SEC22C: variants seen among roughly 807,000 people sequenced by gnomAD.
The protein encoded by SEC22C is SEC22 homolog C, vesicle trafficking protein.
Under a neutral mutation model 34.7 loss-of-function variants are expected in SEC22C, and 29 were observed. The ratio of observed to expected loss-of-function variants is 0.84; its 90% CI spans 0.62 to 1.14. SEC22C has a LOEUF of 1.14. SEC22C is among the 50% of genes most tolerant of loss of function. The pLI is 0.00. For synonymous variants in SEC22C, 117 were observed against 132.8 expected, an observed-to-expected ratio of 0.88 and a Z score of 0.82; for missense variants, 337 against 369.0, an observed-to-expected ratio of 0.91 and a Z score of 0.71.
Position 42,548,993 on chromosome 3 carries a change from G to C in SEC22C, c.*4255C>G. 9.4e-7 allele frequency: 1 copy of C among 1,060,146 alleles called. No homozygotes were observed. Among genetic ancestry groups the C allele is most frequent in the African/African-American group, 1.6e-5 (1 of 61,554 alleles). 65.7% of individuals were successfully genotyped at this position (1,060,146 alleles called of 1,614,324 possible). On this transcript the variant is annotated 3_prime_UTR_variant, in exon 7 of 7. Transcript: ENST00000264454. ...GATGTTATCACCATTTACCAGATGA[G>C]GAAACTGAGGCCTGATGGGCAGTGA...
chr3:42,590,906 G>T (rs1704801178), intron 1 of SEC22C: 1 of 1,613,360 alleles, frequency 6.2e-7, no homozygotes. Context: ...GGATGTCGGT[G>T]GCCTTCGTAC....
intron 2 of SEC22C, chr3:42,564,152 C>T (rs1487247895): frequency 6.2e-6 from 2 of 322,594 alleles, no homozygotes; most frequent in Admixed American, 9.1e-5. Flanking sequence ...TGTGTCTATG[C>T]AAATAAGACT....
chr3:42,549,147 C>T lies in SEC22C; in HGVS notation c.*4101G>A, dbSNP rs1328724137. ...CTCTTTCTCCACCATTATTAACACTCACAGGGCACAGGTAGAGCGTCCCCA... is the reference window on the plus strand; with the variant it reads ...CTCTTTCTCCACCATTATTAACACTTACAGGGCACAGGTAGAGCGTCCCCA... On this transcript the variant is annotated 3_prime_UTR_variant, in exon 7 of 7. Transcript: ENST00000264454. 1 of 992,100 alleles carries T rather than the reference C, an allele frequency of 1.0e-6. No individual in the cohort carries two copies. The highest frequency in any genetic ancestry group is 1.1e-4 in the East Asian group (1 of 9,226). 61.5% of individuals were successfully genotyped at this position (992,100 alleles called of 1,614,324 possible).
chr3:42,566,782 TC>T, intron 2 of SEC22C: 1 of 384,820 alleles, frequency 2.6e-6, no homozygotes, highest in Non-Finnish European at 5.3e-6. Context: ...GGCGGGAGGA[TC>T]ACTTGAGCCT....
At chr3:42,569,960 G>A (rs1703511588) in intron 1 of SEC22C, among the ~76,000 whole-genome samples, 1 of 152,180 alleles carries the variant, frequency 6.6e-6, no homozygotes, top group Admixed American at 6.5e-5. Context: ...TGGCAGCCCT[G>A]CAATTAGGGA....
rs1702326115 is a variant in SEC22C at position 42,553,115 on chromosome 3, C to T, written c.*133G>A. 1.4e-6 allele frequency: 2 copies of T among 1,459,032 alleles called. No individual in the cohort carries two copies. Among genetic ancestry groups the T allele is most frequent in the Non-Finnish European group, 1.8e-6 (2 of 1,112,738 alleles). The allele number at this position is 1,459,032 out of a possible 1,614,324, so 90.4% of individuals were successfully genotyped here. The stretch of plus-strand genomic sequence containing the variant: ...GACTTCCACTGCAACTGTTTAACAT[C>T]CCCAATTCCTGGTTTTTCAGTCCAG... On this transcript the variant is annotated 3_prime_UTR_variant, in exon 7 of 7. Coordinates refer to ENST00000264454, the MANE Select transcript of SEC22C (RefSeq NM_032970.4).
intron 2 of SEC22C, among the ~76,000 whole-genome samples, chr3:42,566,492 C>T (rs547957158): frequency 2.0e-5 from 3 of 151,860 alleles, no homozygotes; most frequent in East Asian, 1.9e-4. Flanking sequence ...CTGGCTAACA[C>T]GGTGAAACGC....
At chr3:42,557,557 T>TTAAAA in intron 5 of SEC22C, 21 bp downstream of exon 5, 3 of 1,005,086 alleles carry the variant, frequency 3.0e-6, no homozygotes, top group South Asian at 1.7e-5. Flanking sequence ...TAAACTGTTT[T>TTAAAA]AAAAAAAAAA....
intron 1 of SEC22C, among the ~76,000 whole-genome samples, chr3:42,577,050 T>C (rs1704010875): frequency 6.6e-6 from 1 of 152,102 alleles, no homozygotes; most frequent in Admixed American, 6.5e-5. Flanking sequence ...CTATAAATAG[T>C]GCCGGGAGTA....
chr3:42,570,029 C>T (rs559902509), intron 1 of SEC22C, among the ~76,000 whole-genome samples: 9 of 152,162 alleles, frequency 5.9e-5, no homozygotes, highest in South Asian at 4.1e-4. Flanking sequence ...GTCCACACAT[C>T]GTATTTCACA....
rs572828226 is a variant in SEC22C, at chr3:42,548,842, A to T, written c.*4406T>A. 1.7e-5 allele frequency: 24 copies of T among 1,409,570 alleles called. 2 individuals carry two copies. Among genetic ancestry groups the T allele is most frequent in the Middle Eastern group, 2.6e-4 (1 of 3,774 alleles). 87.3% of individuals were successfully genotyped at this position (1,409,570 alleles called of 1,614,324 possible). On this transcript the variant is annotated 3_prime_UTR_variant, in exon 7 of 7. Transcript: ENST00000264454. ...ATGGCTGTGCTGTGCTGCCTGAAGC[A>T]GAAAAACCTTCATGTACCAGGTGAA...
At chr3:42,563,874 A>G in intron 2 of SEC22C, 188 bp from the exon 3 acceptor site, 1 of 1,483,244 alleles carries the variant, frequency 6.7e-7, no homozygotes, top group Non-Finnish European at 9.0e-7. Context: ...CGCTTCCTTT[A>G]AAATGTCTAG....
At position 42,548,603 on chromosome 3, in the gene SEC22C, A is replaced by G; in HGVS notation, c.*4645T>C. ...AATCAGAGCTCTCCTCATTTGGGTC[A>G]GGGGTGGCTGGCTCACGAGGTTTGG... On this transcript the variant is annotated 3_prime_UTR_variant, in exon 7 of 7. Coordinates refer to ENST00000264454, the MANE Select transcript of SEC22C (RefSeq NM_032970.4). The G allele has an allele frequency of 6.2e-7, 1 of 1,613,638 alleles. No homozygotes were observed. Among genetic ancestry groups the G allele is most frequent in the South Asian group, 1.1e-5 (1 of 91,048 alleles).
At chr3:42,555,765 C>CCT (rs1702495211) in intron 6 of SEC22C, among the ~76,000 whole-genome samples, 165 bp downstream of exon 6, 1 of 152,196 alleles carries the variant, frequency 6.6e-6, no homozygotes, top group East Asian at 1.9e-4. Context: ...AGAGGACTGG[C>CCT]CAGGATGGGC....
Position 42,550,520 on chromosome 3 carries a change from G to A in SEC22C, c.*2728C>T. 9.1e-6 allele frequency: 9 copies of A among 985,408 alleles called. No individual in the cohort carries two copies. Among genetic ancestry groups the A allele is most frequent in the Non-Finnish European group, 9.6e-6 (8 of 829,922 alleles). The allele number at this position is 985,408 out of a possible 1,614,324, so 61.0% of individuals were successfully genotyped here. Reference sequence around the variant, plus strand: ...TCAGTCTCTTCCTTCAGTGAGCTGAGGATTCTTTTAGCTAGCTGGATTTCA... The same window carrying A: ...TCAGTCTCTTCCTTCAGTGAGCTGAAGATTCTTTTAGCTAGCTGGATTTCA... On this transcript the variant is annotated 3_prime_UTR_variant, in exon 7 of 7. Coordinates refer to ENST00000264454, the MANE Select transcript of SEC22C (RefSeq NM_032970.4).
chr3:42,557,463 T>C lies in SEC22C; in HGVS notation c.645+115A>G, dbSNP rs1702594570. ...AGAATAAAATTTATAATAAAATTCA[T>C]ATTAGTTTTGAAAAATTATAAAACC... is the stretch of plus-strand genomic sequence containing the variant. On this transcript the variant is annotated intron_variant, in intron 5 of 6. Coordinates refer to ENST00000264454, the MANE Select transcript of SEC22C (RefSeq NM_032970.4). 1.1e-5 allele frequency: 5 copies of C among 475,298 alleles called. No individual in the cohort carries two copies. In the South Asian group the frequency reaches 2.0e-4, roughly 19 times the overall value. The allele number at this position is 475,298 out of a possible 1,614,324, so 29.4% of individuals were successfully genotyped here. A position where few individuals can be genotyped will look rare whatever the true frequency, so the allele number is the denominator to read the frequency against.
Position 42,549,873 on chromosome 3 carries a change from G to A in SEC22C, c.*3375C>T. 2 of 985,434 alleles carry A rather than the reference G, an allele frequency of 2.0e-6. No homozygotes were observed. The highest frequency in any genetic ancestry group is 2.4e-6 in the Non-Finnish European group (2 of 829,952). The allele number at this position is 985,434 out of a possible 1,614,324, so 61.0% of individuals were successfully genotyped here. On this transcript the variant is annotated 3_prime_UTR_variant, in exon 7 of 7. Transcript: ENST00000264454. ...TCCAGAGTTCACAGAAAAGAGGGATGCAAGCCCAAAAAGCAAAAGCAGGAG... is the reference window on the plus strand; with the variant it reads ...TCCAGAGTTCACAGAAAAGAGGGATACAAGCCCAAAAAGCAAAAGCAGGAG...
chr3:42,553,941 C>T (rs911230245), intron 6 of SEC22C, among the ~76,000 whole-genome samples: 1 of 152,164 alleles, frequency 6.6e-6, no homozygotes, highest in Admixed American at 6.5e-5. Flanking sequence ...CCCTTGGGCA[C>T]CCTCCTTATC....
intron 1 of SEC22C, among the ~76,000 whole-genome samples, chr3:42,597,178 G>C (rs1705053885): frequency 1.3e-5 from 2 of 152,306 alleles, no homozygotes; most frequent in African/African-American, 4.8e-5. Context: ...GGACTCTCAG[G>C]GAGGTAGAAT....
Sources: gnomAD v4.1 joint callset for allele counts (sites outside exome capture counted in the v4.1 genomes callset) on GRCh38, gnomAD v4.1.1 for gene constraint, MANE v1.5 for transcripts, NCBI Gene and HGNC (gene_info 2026-07-23, HGNC 2026-07-21) for gene names.